AADAT: variants seen among roughly 807,000 people sequenced by gnomAD.
The protein encoded by AADAT is kynurenine/alpha-aminoadipate aminotransferase, mitochondrial.
In AADAT, 25 loss-of-function variants were observed where a neutral mutation model predicts 56.2. That is an observed-to-expected ratio of 0.44 (90% confidence interval 0.32 to 0.62). The LOEUF (loss-of-function observed/expected upper bound fraction) is 0.62, where lower values mean the gene tolerates loss of function less well. AADAT is among the 20% of genes least tolerant of loss of function. The pLI, the probability that AADAT is intolerant of heterozygous loss-of-function variation, is 0.04. For missense variants in AADAT, 387 were observed against 510.5 expected (o/e 0.76, Z 2.33); for synonymous variants, 173 against 164.7 (o/e 1.05, Z -0.39).
intron 3 of AADAT, among the ~76,000 whole-genome samples, chr4:170,084,065 A>G (rs965885273): frequency 6.6e-6 from 1 of 152,194 alleles, no homozygotes; most frequent in Admixed American, 6.5e-5. Context: ...AAAAAGGAAT[A>G]AAATCCTGTC....
chr4:170,089,815 C>T lies in AADAT; in HGVS notation c.-125G>A. 5 of 982,834 alleles carry T rather than the reference C, an allele frequency of 5.1e-6. No individual in the cohort carries two copies. The highest frequency in any genetic ancestry group is 6.1e-6 in the Non-Finnish European group (4 of 651,340). 60.9% of individuals were successfully genotyped at this position (982,834 alleles called of 1,614,324 possible). Reference sequence around the variant, plus strand: ...CAACGCCACCGCGAGATGTGTCCCCCCGCTGCGTCTGGCTTCCCGCGCGCG... The same window carrying T: ...CAACGCCACCGCGAGATGTGTCCCCTCGCTGCGTCTGGCTTCCCGCGCGCG... On this transcript the variant is annotated 5_prime_UTR_variant, in exon 1 of 13. Coordinates refer to ENST00000337664, the MANE Select transcript of AADAT (RefSeq NM_016228.4).
At chr4:170,084,553 A>G (rs1042372232) in intron 3 of AADAT, among the ~76,000 whole-genome samples, 30 of 152,184 alleles carry the variant, frequency 2.0e-4, no homozygotes, top group African/African-American at 6.5e-4. Flanking sequence ...TAAATCATAC[A>G]TAAGTCACAG....
intron 7 of AADAT, 28 bp downstream of exon 7, chr4:170,069,107 TCTATTAGATCTAG>T: frequency 6.5e-7 from 1 of 1,544,480 alleles, no homozygotes. Context: ...TATCTCTGGC[TCTATTAGATCTAG>T]CGTCAAGTTA....
At position 170,089,559 on chromosome 4, in the gene AADAT, C is replaced by T. The variant is rs190675501; in HGVS notation, c.67+65G>A. The stretch of plus-strand genomic sequence containing the variant: ...AACCAAGCGGTGGCTTGCTAGGGAA[C>T]CCTCCTTAGAGGCTGTGCGAGGAAT... On this transcript the variant is annotated intron_variant, in intron 1 of 12. Coordinates refer to ENST00000337664, the MANE Select transcript of AADAT (RefSeq NM_016228.4). 216 of 1,592,368 alleles carry T rather than the reference C, an allele frequency of 1.4e-4. No homozygotes were observed. In the African/African-American group the frequency reaches 2.5e-3, roughly 18 times the overall value.
intron 7 of AADAT, 85 bp from the exon 8 acceptor site, chr4:170,068,772 T>C: frequency 1.2e-6 from 1 of 864,402 alleles, no homozygotes. Flanking sequence ...AGACAGACAA[T>C]TGTGACCTGG....
chr4:170,089,736 A>T lies in AADAT; in HGVS notation c.-46T>A. The T allele has an allele frequency of 1.2e-6, 2 of 1,602,322 alleles. No homozygotes were observed. The highest frequency in any genetic ancestry group is 1.7e-6 in the Non-Finnish European group (2 of 1,170,676). On this transcript the variant is annotated 5_prime_UTR_variant, in exon 1 of 13. Transcript: ENST00000337664. ...CAAGCTTCTTCTTCAGTGGTTGAGG[A>T]CTAGAAAAACCAAAGAGCCTCGTCA... is the stretch of plus-strand genomic sequence containing the variant.
At chr4:170,066,330 G>T in intron 10 of AADAT, 84 bp downstream of exon 10, 1 of 1,172,598 alleles carries the variant, frequency 8.5e-7, no homozygotes. Context: ...TTTTCCACCA[G>T]GATTGTTAGT....
chr4:170,065,267 C>T (rs540772084), intron 10 of AADAT, among the ~76,000 whole-genome samples: 12 of 152,084 alleles, frequency 7.9e-5, no homozygotes, highest in East Asian at 1.9e-4. Context: ...AGTGGATTAG[C>T]GTTTTTATCA....
At chr4:170,070,691 T>G in intron 5 of AADAT, 39 bp from the exon 6 acceptor site, 2 of 1,358,448 alleles carry the variant, frequency 1.5e-6, no homozygotes, top group Non-Finnish European at 1.0e-6. Context: ...TCTTAATCTA[T>G]TTATTTCTTA....
Position 170,060,710 on chromosome 4 carries a change from CCATGAG to C in AADAT, c.*212_*217del. 2.6e-6 allele frequency: 1 copy of C among 380,256 alleles called. No homozygotes were observed. Among genetic ancestry groups the C allele is most frequent in the South Asian group, 9.6e-5 (1 of 10,448 alleles). The allele number at this position is 380,256 out of a possible 1,614,324, so 23.6% of individuals were successfully genotyped here. On this transcript the variant is annotated 3_prime_UTR_variant, in exon 13 of 13. Coordinates refer to ENST00000337664, the MANE Select transcript of AADAT (RefSeq NM_016228.4). ...AAAACAAGAAATTTATTGGAAAAAT[CCATGAG>C]CAGCATGATTAGTTTGATTTCTTTC...
In AADAT at chr4:170,068,830, T is replaced by G. The variant is rs1170657570; in HGVS notation, c.804-143A>C. On this transcript the variant is annotated intron_variant, in intron 7 of 12. Coordinates refer to ENST00000337664, the MANE Select transcript of AADAT (RefSeq NM_016228.4). ...AAAACATTCTAATAAAACTAACTAC[T>G]TCTTATTTCAAAAACAAATTTAAGT... The G allele has an allele frequency of 2.0e-5, 12 of 586,976 alleles. No homozygotes were observed. The East Asian group carries it at 3.4e-4, about 16-fold the overall frequency. The allele number at this position is 586,976 out of a possible 1,614,324, so 36.4% of individuals were successfully genotyped here. A position where few individuals can be genotyped will look rare whatever the true frequency, so the allele number is the denominator to read the frequency against.
chr4:170,089,585 G>A (rs1561026992), intron 1 of AADAT, 39 bp downstream of exon 1: 3 of 1,612,332 alleles, frequency 1.9e-6, no homozygotes, highest in Middle Eastern at 1.7e-4. Context: ...TGCGAGGAAT[G>A]CCCCACCCCA....
In AADAT at chr4:170,070,634, A is replaced by G; in HGVS notation, c.673T>C (p.Phe225Leu). The change falls in exon 6 of 13, where the codon TTC becomes CTC. Residue 225 changes from phenylalanine to leucine, a missense_variant. Physicochemically the swap from Phe to Leu is conservative, Grantham distance 22. Transcript: ENST00000337664. ...TAAGGATCATCTTCTATTATGAGGA[A>G]ATCATATTTTCTTGCAAGCTAAAAA... is the stretch of plus-strand genomic sequence containing the variant. ...EIYELARKYD[F>L]LIIEDDPYYF... 1 of 1,578,318 alleles carries G rather than the reference A, an allele frequency of 6.3e-7. No homozygotes were observed.
intron 2 of AADAT, among the ~76,000 whole-genome samples, chr4:170,088,011 G>A (rs1416378227): frequency 2.0e-5 from 3 of 150,458 alleles, no homozygotes; most frequent in South Asian, 2.1e-4. Flanking sequence ...TGGATCTTCC[G>A]TTTCTTCATT....
chr4:170,073,373 C>T lies in AADAT; in HGVS notation c.445-28G>A, dbSNP rs768732812. The stretch of plus-strand genomic sequence containing the variant: ...GTTGAGCACAAAAGAAAGCCTGAGT[C>T]AGTCATGATTACAAATGTAAGTGCT... On this transcript the variant is annotated intron_variant, in intron 4 of 12. Coordinates refer to ENST00000337664, the MANE Select transcript of AADAT (RefSeq NM_016228.4). 8.2e-6 allele frequency: 13 copies of T among 1,589,616 alleles called. No individual in the cohort carries two copies. The South Asian group carries it at 1.4e-4, about 17-fold the overall frequency.
intron 5 of AADAT, among the ~76,000 whole-genome samples, chr4:170,072,666 T>C (rs940085778): frequency 2.0e-4 from 31 of 152,294 alleles, no homozygotes; most frequent in Admixed American, 7.8e-4. Context: ...GCTTAATATA[T>C]GTTTGATACT....
At chr4:170,085,068 T>A (rs149763757) in intron 3 of AADAT, among the ~76,000 whole-genome samples, 3 of 152,346 alleles carry the variant, frequency 2.0e-5, no homozygotes, top group African/African-American at 7.2e-5. Context: ...TAAATATATT[T>A]TCTCTTGCTC....
intron 4 of AADAT, among the ~76,000 whole-genome samples, chr4:170,077,189 C>T (rs1732081320): frequency 6.6e-6 from 1 of 152,150 alleles, no homozygotes; most frequent in Non-Finnish European, 1.5e-5. Context: ...CCTTTAAACT[C>T]ACATCAATTT....
At chr4:170,069,040 T>G in intron 7 of AADAT, 108 bp downstream of exon 7, 2 of 884,608 alleles carry the variant, frequency 2.3e-6, no homozygotes, top group South Asian at 3.9e-5. Context: ...TTAAGACAAG[T>G]AGACTACAAG....
Sources: allele counts gnomAD v4.1 joint callset (sites outside exome capture counted in the v4.1 genomes callset), GRCh38; gene constraint gnomAD v4.1.1; transcripts MANE v1.5; gene names NCBI Gene and HGNC (gene_info 2026-07-23, HGNC 2026-07-21).